The following TENM3 variants were observed in gnomAD, a reference collection of about 807,000 sequenced individuals.
TENM3 encodes the protein teneurin transmembrane protein 3, also known as teneurin-3.
A neutral mutation model predicts 255.1 loss-of-function variants in TENM3; 63 were observed. That is an observed-to-expected ratio of 0.25 (90% CI 0.20 to 0.30). The LOEUF (loss-of-function observed/expected upper bound fraction) is 0.30. Ranked by LOEUF, TENM3 falls within the 10% of genes least tolerant of loss-of-function variation. The probability of loss-of-function intolerance (pLI) is 1.00; values close to 1 mark genes in which losing one functional copy is unlikely to be tolerated. For synonymous variants in TENM3, 1,306 were observed against 1,322.3 expected (o/e 0.99, Z 0.27); for missense variants, 2,929 against 3,461.1 (o/e 0.85, Z 3.86).
chr4:181,671,395 G>A, the TENM3 span, among the ~76,000 whole-genome samples: 3 of 152,086 alleles, frequency 2.0e-5, no homozygotes, highest in Non-Finnish European at 2.9e-5. Flanking sequence ...AGATCATCTG[G>A]ATCTCTCTGC....
upstream of TENM3, chr4:182,144,202 GCACACACA>G (rs3833623): frequency 0.72 from 106,737 of 148,500 alleles, 38,383 homozygotes; most frequent in African/African-American, 0.8. Context: ...GCACACTCCC[GCACACACA>G]CACACACACA....
the TENM3 span, among the ~76,000 whole-genome samples, chr4:181,920,453 G>T: frequency 6.6e-6 from 1 of 152,140 alleles, no homozygotes; most frequent in African/African-American, 2.4e-5. Context: ...GTATCTCATT[G>T]TGGTTTTGAT....
chr4:182,206,925 C>A (rs1754622478), intron 1 of TENM3, among the ~76,000 whole-genome samples: 1 of 152,150 alleles, frequency 6.6e-6, no homozygotes, highest in Admixed American at 6.5e-5. Context: ...CTATTATTAT[C>A]TCTAAGTCCC....
At chr4:182,689,366 G>A (rs996008168) in intron 12 of TENM3, among the ~76,000 whole-genome samples, 2 of 152,126 alleles carry the variant, frequency 1.3e-5, no homozygotes, top group African/African-American at 2.4e-5. Flanking sequence ...TTGGTTAGCC[G>A]GGAACTTTGT....
At chr4:181,907,638 T>TAAGG in the TENM3 span, among the ~76,000 whole-genome samples, 1 of 151,932 alleles carries the variant, frequency 6.6e-6, no homozygotes, top group East Asian at 2.0e-4. Context: ...AGATACATCC[T>TAAGG]AAGGAAGGAA....
chr4:181,588,939 T>C, the TENM3 span, among the ~76,000 whole-genome samples: 1 of 152,114 alleles, frequency 6.6e-6, no homozygotes, highest in Admixed American at 6.5e-5. Context: ...ATTGTTTAGG[T>C]CTCCAGTTCT....
chr4:182,440,524 G>A (rs979128632), intron 3 of TENM3, among the ~76,000 whole-genome samples: 3 of 152,012 alleles, frequency 2.0e-5, no homozygotes. Flanking sequence ...GGGCCTACAT[G>A]TCTAGATCTA....
chr4:182,577,517 A>G (rs1388616415), intron 3 of TENM3, among the ~76,000 whole-genome samples: 1 of 152,244 alleles, frequency 6.6e-6, no homozygotes, highest in Non-Finnish European at 1.5e-5. Context: ...GGACTCTGCC[A>G]TCTGCAGTAT....
chr4:182,567,101 A>G lies in TENM3; in HGVS notation c.512-33823A>G, dbSNP rs902669919. 2.0e-5 allele frequency among the ~76,000 whole-genome samples: 3 copies of G among 152,346 alleles called. No individual in the cohort carries two copies. The South Asian group carries it at 6.2e-4, about 32-fold the overall frequency. On this transcript the variant is annotated intron_variant, in intron 3 of 27. Coordinates refer to ENST00000511685, the MANE Select transcript of TENM3 (RefSeq NM_001080477.4). Reference sequence around the variant, plus strand: ...GAGGTAAATAAAAGAGACATAATCTATGCCCTGGAAATCAAAACGTAGGTC... The same window carrying G: ...GAGGTAAATAAAAGAGACATAATCTGTGCCCTGGAAATCAAAACGTAGGTC...
the TENM3 span, among the ~76,000 whole-genome samples, chr4:182,034,597 G>A: frequency 6.6e-4 from 100 of 152,128 alleles, 1 homozygote; most frequent in African/African-American, 2.0e-3. Flanking sequence ...GAATTCCCTC[G>A]GCATTTGGTT....
At chr4:181,558,331 C>T in the TENM3 span, among the ~76,000 whole-genome samples, 1 of 152,170 alleles carries the variant, frequency 6.6e-6, no homozygotes, top group Non-Finnish European at 1.5e-5. Context: ...GATCACTCCA[C>T]AACTGAGTTC....
the TENM3 span, among the ~76,000 whole-genome samples, chr4:182,124,852 G>A: frequency 2.0e-5 from 3 of 152,232 alleles, no homozygotes; most frequent in African/African-American, 4.8e-5. Flanking sequence ...TAAATTGCAC[G>A]CTGGTCTGAG....
chr4:182,758,521 G>T (rs968960753), intron 22 of TENM3, among the ~76,000 whole-genome samples: 11 of 152,118 alleles, frequency 7.2e-5, no homozygotes, highest in African/African-American at 2.7e-4. Context: ...TGGGTGTGCG[G>T]CGGGATGTGA....
the TENM3 span, among the ~76,000 whole-genome samples, chr4:181,937,242 G>A: frequency 6.6e-5 from 10 of 152,228 alleles, no homozygotes; most frequent in African/African-American, 2.4e-4. Flanking sequence ...AGCCTGAGAT[G>A]GGATTAGCAA....
At chr4:181,997,704 T>C in the TENM3 span, among the ~76,000 whole-genome samples, 6 of 152,218 alleles carry the variant, frequency 3.9e-5, no homozygotes, top group Non-Finnish European at 8.8e-5. Context: ...TGATAGATTA[T>C]GTGATGCAAT....
At chr4:182,258,260 C>A (rs899617923) in intron 1 of TENM3, among the ~76,000 whole-genome samples, 2 of 152,030 alleles carry the variant, frequency 1.3e-5, no homozygotes, top group African/African-American at 4.8e-5. Context: ...TAGTGGTAAA[C>A]AAATTTAATG....
chr4:181,916,082 C>T, the TENM3 span, among the ~76,000 whole-genome samples: 1 of 146,498 alleles, frequency 6.8e-6, no homozygotes, highest in Non-Finnish European at 1.5e-5. Flanking sequence ...CGATGCTGCT[C>T]CCAGCCCTCC....
At chr4:182,483,930 C>G (rs1357537233) in intron 3 of TENM3, among the ~76,000 whole-genome samples, 1 of 152,132 alleles carries the variant, frequency 6.6e-6, no homozygotes, top group South Asian at 2.1e-4. Flanking sequence ...AAGTCCTCCC[C>G]CATGAGCCAG....
intron 1 of TENM3, among the ~76,000 whole-genome samples, chr4:182,322,520 G>A (rs909300237): frequency 2.0e-5 from 3 of 152,174 alleles, no homozygotes; most frequent in Non-Finnish European, 4.4e-5. Flanking sequence ...GCAAAACTTG[G>A]AAAGTGAGGG....
Sources: gnomAD v4.1 joint callset for allele counts (sites outside exome capture counted in the v4.1 genomes callset) on GRCh38, gnomAD v4.1.1 for gene constraint, MANE v1.5 for transcripts, NCBI Gene and HGNC (gene_info 2026-07-23, HGNC 2026-07-21) for gene names.